SCYL2: variants seen among roughly 807,000 people sequenced by gnomAD.
SCYL2 encodes the protein SCY1 like pseudokinase 2, also known as SCY1-like protein 2.
Under a neutral mutation model 100.4 loss-of-function variants are expected in SCYL2, and 36 were observed. That is an observed-to-expected ratio of 0.36 (90% CI 0.27 to 0.47). The LOEUF (loss-of-function observed/expected upper bound fraction) is 0.47, where lower values mean the gene tolerates loss of function less well. SCYL2 is among the 20% of genes least tolerant of loss of function. The probability of loss-of-function intolerance (pLI) is 1.00; values close to 1 mark genes in which losing one functional copy is unlikely to be tolerated. For missense variants in SCYL2, 902 were observed against 1,083.9 expected (o/e 0.83, Z 2.36); for synonymous variants, 330 against 359.2 (o/e 0.92, Z 0.92).
At chr12:100,285,432 C>T (rs956698005) in intron 2 of SCYL2, among the ~76,000 whole-genome samples, 14 of 152,272 alleles carry the variant, frequency 9.2e-5, no homozygotes, top group African/African-American at 3.1e-4. Flanking sequence ...GCACATATGA[C>T]GCATTACCTA....
At chr12:100,332,942 C>G (rs1426033847) in intron 13 of SCYL2, among the ~76,000 whole-genome samples, 2 of 152,054 alleles carry the variant, frequency 1.3e-5, no homozygotes, top group African/African-American at 4.8e-5. Context: ...TCTCAAACTC[C>G]TAGGCTCAAA....
intron 2 of SCYL2, among the ~76,000 whole-genome samples, chr12:100,290,740 C>T (rs1255338401): frequency 6.6e-6 from 1 of 152,014 alleles, no homozygotes; most frequent in Non-Finnish European, 1.5e-5. Flanking sequence ...ATTTCGTTTC[C>T]AGTTTATTTT....
chr12:100,330,830 CTTTTTTTTTTTT>C (rs71088179), intron 13 of SCYL2, among the ~76,000 whole-genome samples: 1 of 134,106 alleles, frequency 7.5e-6, no homozygotes, highest in Non-Finnish European at 1.6e-5. Context: ...AATTTTTTTT[CTTTTTTTTTTTT>C]TTTTGAGATG....
chr12:100,335,332 TTGAG>T (rs1952262008), intron 14 of SCYL2, among the ~76,000 whole-genome samples: 1 of 152,030 alleles, frequency 6.6e-6, no homozygotes. Flanking sequence ...TATCTTGTCT[TTGAG>T]TGAGATGTTA....
At chr12:100,301,852 C>T (rs1312335501) in intron 4 of SCYL2, among the ~76,000 whole-genome samples, 1 of 152,188 alleles carries the variant, frequency 6.6e-6, no homozygotes, top group African/African-American at 2.4e-5. Context: ...TTCACCATAG[C>T]CACCACAGCT....
chr12:100,281,053 T>C (rs1443098722), intron 1 of SCYL2, among the ~76,000 whole-genome samples: 1 of 125,396 alleles, frequency 8.0e-6, no homozygotes, highest in Non-Finnish European at 1.6e-5. Flanking sequence ...TTTTTTGAGA[T>C]AGAGCCTGGC....
At chr12:100,330,016 A>T (rs1952189076) in intron 13 of SCYL2, among the ~76,000 whole-genome samples, 1 of 152,164 alleles carries the variant, frequency 6.6e-6, no homozygotes, top group African/African-American at 2.4e-5. Flanking sequence ...AGGAAGTGAT[A>T]CCCCATCACC....
At chr12:100,303,990 A>G (rs886556160) in intron 4 of SCYL2, among the ~76,000 whole-genome samples, 1 of 152,174 alleles carries the variant, frequency 6.6e-6, no homozygotes, top group African/African-American at 2.4e-5. Context: ...TAGTCTGGTT[A>G]TAGTGGCTTT....
At chr12:100,336,289 T>C (rs1824641127) in intron 16 of SCYL2, among the ~76,000 whole-genome samples, 1 of 152,126 alleles carries the variant, frequency 6.6e-6, no homozygotes, top group African/African-American at 2.4e-5. Context: ...TGATTGTTGC[T>C]CTTCAGTATT....
At chr12:100,298,394 G>A (rs1224257846) in intron 4 of SCYL2, among the ~76,000 whole-genome samples, 1 of 152,046 alleles carries the variant, frequency 6.6e-6, no homozygotes, top group African/African-American at 2.4e-5. Context: ...GGTAACCTTT[G>A]GGGGGTCACT....
chr12:100,336,182 C>T (rs531357783), intron 16 of SCYL2, among the ~76,000 whole-genome samples: 1 of 152,248 alleles, frequency 6.6e-6, no homozygotes, highest in Admixed American at 6.5e-5. Context: ...TTGCCAGTCA[C>T]ACCCCTTGGT....
At chr12:100,290,804 G>A (rs1430943511) in intron 2 of SCYL2, among the ~76,000 whole-genome samples, 2 of 152,126 alleles carry the variant, frequency 1.3e-5, no homozygotes, top group Admixed American at 1.3e-4. Flanking sequence ...TATCAGTAGA[G>A]CTGTTTTTTT....
chr12:100,312,463 A>G lies in SCYL2; in HGVS notation c.662A>G (p.Asn221Ser). ...PKFPCKEWDP[N>S]LPSLCLPNPE... ...TTTCCTTGTAAAGAATGGGACCCAA[A>G]TTTACCTTCATTGTGTCTTCCAAAT... Residue 221 changes from asparagine (N) to serine (S), a missense_variant, in exon 6 of 18, where the codon AAT (asparagine) becomes AGT (serine). Transcript: ENST00000360820. 2 of 1,612,976 alleles carry G rather than the reference A, an allele frequency of 1.2e-6. No homozygotes were observed. Among genetic ancestry groups the G allele is most frequent in the Non-Finnish European group, 8.5e-7 (1 of 1,179,870 alleles).
At chr12:100,329,402 G>A in intron 13 of SCYL2, 83 bp downstream of exon 13, 1 of 643,466 alleles carries the variant, frequency 1.6e-6, no homozygotes, top group South Asian at 2.3e-5. Context: ...TACAAAGATT[G>A]GTTAAAAAAA....
chr12:100,281,037 T>G (rs1425494699), intron 1 of SCYL2, among the ~76,000 whole-genome samples: 1 of 137,514 alleles, frequency 7.3e-6, no homozygotes, highest in Non-Finnish European at 1.6e-5. Flanking sequence ...TTTTTTTTTT[T>G]TTTTTTTTTT....
intron 6 of SCYL2, 47 bp downstream of exon 6, chr12:100,312,700 G>A (rs2096343695): frequency 2.9e-6 from 4 of 1,397,550 alleles, no homozygotes; most frequent in Non-Finnish European, 4.0e-6. Flanking sequence ...TTTATTAAAT[G>A]TGTCTTTGAT....
chr12:100,314,599 A>G lies in SCYL2; in HGVS notation c.1080A>G (p.Leu360=), dbSNP rs764392966. Residue 360 remains leucine, a synonymous_variant, in exon 8 of 18, where the codon CTA becomes CTG. Transcript: ENST00000360820. ...TTTTCAAAGGACTGCCAAAGGTTCT[A>G]CCAAAACTGCCCAAGGTTTGTTATT... is the stretch of plus-strand genomic sequence containing the variant. ...SQFFKGLPKV[L]PKLPKRVIVQ... The G allele has an allele frequency of 8.1e-6, 13 of 1,597,704 alleles. No homozygotes were observed. The highest frequency in any genetic ancestry group is 2.3e-5 in the East Asian group (1 of 44,302).
chr12:100,335,292 G>C (rs1339649343), intron 14 of SCYL2, among the ~76,000 whole-genome samples: 1 of 151,986 alleles, frequency 6.6e-6, no homozygotes, highest in Non-Finnish European at 1.5e-5. Flanking sequence ...CACAGACTCA[G>C]AACTTAATCA....
In SCYL2 at chr12:100,313,506, A is replaced by G. The variant is rs2096344764; in HGVS notation, c.937A>G (p.Thr313Ala). The G allele has an allele frequency of 6.2e-7, 1 of 1,606,672 alleles. No homozygotes were observed. Among genetic ancestry groups the G allele is most frequent in the African/African-American group, 1.3e-5 (1 of 74,710 alleles). ...AAAGCTACTGTTAAATGTAACTCCG[A>G]CTGTAAGACCAGATGCAGATCAAAT... Reference protein sequence around the residue: ...HVKLLLNVTPTVRPDADQMTK... With the variant: ...HVKLLLNVTPAVRPDADQMTK... Residue 313 changes from threonine to alanine, a missense_variant, in exon 7 of 18, where the codon ACT becomes GCT. Transcript: ENST00000360820.
Sources: gnomAD v4.1 joint callset for allele counts (sites outside exome capture counted in the v4.1 genomes callset) on GRCh38, gnomAD v4.1.1 for gene constraint, MANE v1.5 for transcripts, NCBI Gene and HGNC (gene_info 2026-07-23, HGNC 2026-07-21) for gene names.